Variants in CALD1 observed in about 807,000 individuals in gnomAD.
CALD1 encodes caldesmon.
A neutral mutation model predicts 99.9 loss-of-function variants in CALD1; 33 were observed. The observed-to-expected ratio is 0.33, with a 90% CI of 0.25 to 0.44. The LOEUF is 0.44. CALD1 is among the 20% of genes least tolerant of loss of function. The pLI is 1.00. For synonymous variants in CALD1, 310 were observed against 325.0 expected (o/e 0.95, Z 0.50); for missense variants, 861 against 962.1 (o/e 0.89, Z 1.39).
chr7:134,935,606 C>G (rs763707886), intron 5 of CALD1, 82 bp from the exon 6 acceptor site: 1 of 1,517,566 alleles, frequency 6.6e-7, no homozygotes, highest in Middle Eastern at 1.7e-4. Context: ...ACTTGCAAGG[C>G]GATCCGAGCA....
At chr7:134,842,735 A>C (rs1234066050) in intron 1 of CALD1, among the ~76,000 whole-genome samples, 1 of 152,176 alleles carries the variant, frequency 6.6e-6, no homozygotes, top group African/African-American at 2.4e-5. Flanking sequence ...TAGGATATTA[A>C]CCATCTCCTG....
rs749896298 is a variant in CALD1, at chr7:134,932,965, GTGT to G, written c.219-18_219-16del. 2.5e-5 allele frequency: 38 copies of G among 1,523,544 alleles called. No individual in the cohort carries two copies. Among genetic ancestry groups the G allele is most frequent in the Non-Finnish European group, 3.2e-5 (36 of 1,113,862 alleles). The allele number at this position is 1,523,544 out of a possible 1,614,324, so 94.4% of individuals were successfully genotyped here. ...CTGATGAATGAGCAAGCTGTCTTTGGTGTTGTTCTTTCTGTTGTACAGTGTGCC... is the reference window on the plus strand; with the variant it reads ...CTGATGAATGAGCAAGCTGTCTTTGGTGTTCTTTCTGTTGTACAGTGTGCC... On this transcript the variant is annotated intron_variant, in intron 4 of 14. Transcript: ENST00000361675.
chr7:134,832,075 C>A (rs927120095), intron 1 of CALD1, among the ~76,000 whole-genome samples: 19 of 152,234 alleles, frequency 1.2e-4, no homozygotes, highest in Admixed American at 3.3e-4. Flanking sequence ...GCCCTTCTTA[C>A]GCTTGAGAAA....
intron 1 of CALD1, among the ~76,000 whole-genome samples, chr7:134,825,230 A>G (rs551537837): frequency 5.3e-5 from 8 of 152,340 alleles, no homozygotes; most frequent in South Asian, 2.1e-4. Flanking sequence ...ATTAACATTT[A>G]TAAGATGATG....
At chr7:134,801,886 T>C (rs1177241072) in intron 1 of CALD1, among the ~76,000 whole-genome samples, 2 of 152,182 alleles carry the variant, frequency 1.3e-5, no homozygotes, top group Non-Finnish European at 2.9e-5. Context: ...CCCAAAGTGC[T>C]GGGATTACAG....
Position 134,960,016 on chromosome 7 carries a change from C to T in CALD1, c.2104C>T (p.Leu702Phe), listed in dbSNP as rs1329771672. The T allele has an allele frequency of 6.2e-7, 1 of 1,613,998 alleles. No individual in the cohort carries two copies. The change falls in exon 12 of 15, where the codon CTT becomes TTT. Residue 702 changes from leucine (L) to phenylalanine (F), a missense_variant. Coordinates refer to ENST00000361675, the MANE Select transcript of CALD1 (RefSeq NM_033138.4). ...ACCTACAAAGCCGGCAGCCTCGGAT[C>T]TTCCTGTTCCTGCTGAAGGTGTACG... is the stretch of plus-strand genomic sequence containing the variant. ...AKPTKPAASDLPVPAEGVRNI... is the reference protein window; with the variant it reads ...AKPTKPAASDFPVPAEGVRNI...
At chr7:134,939,625 A>G (rs1489801880) in intron 6 of CALD1, among the ~76,000 whole-genome samples, 1 of 152,198 alleles carries the variant, frequency 6.6e-6, no homozygotes, top group Non-Finnish European at 1.5e-5. Context: ...AAATGACTTA[A>G]AACTTATCAA....
the CALD1 span, among the ~76,000 whole-genome samples, chr7:134,730,203 G>T: frequency 4.7e-5 from 7 of 148,490 alleles, no homozygotes; most frequent in African/African-American, 1.7e-4. Context: ...CTCCCTCCCT[G>T]CCTCCCTCCC....
chr7:134,948,654 G>C (rs1807100689), intron 8 of CALD1, among the ~76,000 whole-genome samples: 1 of 151,918 alleles, frequency 6.6e-6, no homozygotes, highest in Non-Finnish European at 1.5e-5. Context: ...TTGAGATAGC[G>C]ATCTCCCATC....
the CALD1 span, among the ~76,000 whole-genome samples, chr7:134,736,616 C>A: frequency 6.6e-6 from 1 of 152,238 alleles, no homozygotes; most frequent in South Asian, 2.1e-4. Flanking sequence ...GGCATCTGAT[C>A]TGGCTAATAG....
At chr7:134,837,087 G>C (rs1265665099) in intron 1 of CALD1, among the ~76,000 whole-genome samples, 1 of 134,680 alleles carries the variant, frequency 7.4e-6, no homozygotes. Flanking sequence ...ATACATGTAA[G>C]CTATATCCTT....
chr7:134,930,352 G>A (rs1805433851), intron 4 of CALD1, among the ~76,000 whole-genome samples: 1 of 152,058 alleles, frequency 6.6e-6, no homozygotes, highest in Non-Finnish European at 1.5e-5. Context: ...TATTTGAGGA[G>A]GAAAATGGAG....
intron 7 of CALD1, among the ~76,000 whole-genome samples, chr7:134,943,914 G>A (rs373245368): frequency 9.2e-5 from 14 of 152,162 alleles, no homozygotes; most frequent in African/African-American, 3.1e-4. Flanking sequence ...AGATTCTACT[G>A]GATGGATGTA....
upstream of CALD1, among the ~76,000 whole-genome samples, chr7:134,743,108 C>G (rs1370368109): frequency 6.6e-6 from 1 of 152,284 alleles, no homozygotes; most frequent in East Asian, 1.9e-4. Flanking sequence ...CCCAGCACTT[C>G]TCAGAAGAGA....
intron 1 of CALD1, among the ~76,000 whole-genome samples, chr7:134,821,232 C>T (rs10259178): frequency 0.045 from 6,839 of 151,986 alleles, 497 homozygotes; most frequent in African/African-American, 0.15. Context: ...CAGATAATGT[C>T]TAGTGATAAT....
At chr7:134,937,137 G>A (rs1806042211) in intron 6 of CALD1, among the ~76,000 whole-genome samples, 1 of 152,204 alleles carries the variant, frequency 6.6e-6, no homozygotes. Flanking sequence ...AAGGGAGGCT[G>A]TAGAAAACAC....
intron 4 of CALD1, among the ~76,000 whole-genome samples, chr7:134,932,492 G>A (rs1805595485): frequency 6.6e-6 from 1 of 152,226 alleles, no homozygotes; most frequent in Admixed American, 6.5e-5. Context: ...TTGACTGCAA[G>A]TCGTTTATTT....
rs757627390 is a variant in CALD1, at chr7:134,933,236, G to A, written c.467G>A (p.Arg156His). 1.2e-5 allele frequency: 20 copies of A among 1,606,978 alleles called. No homozygotes were observed. Among genetic ancestry groups the A allele is most frequent in the African/African-American group, 2.7e-5 (2 of 73,340 alleles). ...TTEKEEKSES[R>H]QERYEIEETE... is the part of the protein sequence containing the mutation. ...GAGAAGGAAGAAAAAAGTGAAAGTCGCCAAGAAAGATACGAGATAGAGGAA... is the reference window on the plus strand; with the variant it reads ...GAGAAGGAAGAAAAAAGTGAAAGTCACCAAGAAAGATACGAGATAGAGGAA... Residue 156 changes from arginine (R) to histidine (H), a missense_variant, in exon 5 of 15, where the codon CGC (arginine) becomes CAC (histidine). Physicochemically the swap from Arg to His is conservative, Grantham distance 29 (BLOSUM62 0). Around this residue, in one of 5 missense-constraint regions of CALD1, gnomAD observed 234 missense variants for 233.1 expected, o/e 1.00. Transcript: ENST00000361675.
At chr7:134,948,004 GTTTTGTTTTTGT>G (rs1027851642) in intron 8 of CALD1, 4 of 455,456 alleles carry the variant, frequency 8.8e-6, no homozygotes, top group Admixed American at 3.8e-5. Flanking sequence ...GCACAGAGAG[GTTTTGTTTTTGT>G]TTTTGTTTTT....
Sources: allele counts gnomAD v4.1 joint callset (sites outside exome capture counted in the v4.1 genomes callset), GRCh38; gene constraint gnomAD v4.1.1; regional missense constraint gnomAD v4.1.1; transcripts MANE v1.5; gene names NCBI Gene and HGNC (gene_info 2026-07-23, HGNC 2026-07-21).